Variants in CHD6 observed in about 807,000 individuals in gnomAD.
CHD6 encodes chromodomain helicase DNA binding protein 6, also known as ATP-dependent chromatin remodeler CHD6.
Under a neutral mutation model 276.9 loss-of-function variants are expected in CHD6, and 50 were observed. The observed-to-expected ratio is 0.18, with a 90% confidence interval of 0.14 to 0.23. The LOEUF is 0.23. CHD6 is among the 10% of genes least tolerant of loss of function. CHD6 has a pLI of 1.00. For missense variants in CHD6, 2,564 were observed against 3,365.8 expected, an observed-to-expected ratio of 0.76 and a Z score of 5.89; for synonymous variants, 1,173 against 1,229.3, an observed-to-expected ratio of 0.95 and a Z score of 0.96.
At chr20:41,521,732 C>A (rs1182931558) in intron 3 of CHD6, among the ~76,000 whole-genome samples, 1 of 152,156 alleles carries the variant, frequency 6.6e-6, no homozygotes, top group Non-Finnish European at 1.5e-5. Context: ...ACAGAAATGG[C>A]TGATTCCAAA....
chr20:41,472,045 CCA>C (rs140489131), intron 17 of CHD6, among the ~76,000 whole-genome samples: 10,926 of 151,868 alleles, frequency 0.072, 758 homozygotes, highest in East Asian at 0.31. Context: ...ACCGGCATGC[CCA>C]ACATAGCAAA....
At chr20:41,432,681 TC>T (rs2047582569) in intron 27 of CHD6, among the ~76,000 whole-genome samples, 1 of 151,762 alleles carries the variant, frequency 6.6e-6, no homozygotes, top group Non-Finnish European at 1.5e-5. Context: ...GTCCAAAATG[TC>T]CAGGTTCCAA....
intron 2 of CHD6, among the ~76,000 whole-genome samples, chr20:41,536,453 C>A (rs796770568): frequency 6.6e-6 from 1 of 152,148 alleles, no homozygotes; most frequent in East Asian, 1.9e-4. Context: ...TGAAAAGGAG[C>A]TAAGAACTAA....
At chr20:41,453,002 C>T (rs1433537197) in intron 20 of CHD6, 60 bp from the exon 21 acceptor site, 2 of 1,334,820 alleles carry the variant, frequency 1.5e-6, no homozygotes, top group Non-Finnish European at 2.2e-6. Context: ...TTTCACAAAG[C>T]ATAAGTGTAT....
intron 1 of CHD6, among the ~76,000 whole-genome samples, chr20:41,552,360 T>A (rs906288390): frequency 1.3e-5 from 2 of 152,218 alleles, no homozygotes; most frequent in African/African-American, 4.8e-5. Context: ...TCCAAATGAA[T>A]GTGATGTGTA....
chr20:41,614,225 T>C (rs2045914852), intron 1 of CHD6, among the ~76,000 whole-genome samples: 1 of 152,180 alleles, frequency 6.6e-6, no homozygotes, highest in Non-Finnish European at 1.5e-5. Context: ...ATCCATCACT[T>C]TCTACTTATG....
chr20:41,443,414 T>C (rs1361805994), intron 25 of CHD6, among the ~76,000 whole-genome samples: 1 of 152,218 alleles, frequency 6.6e-6, no homozygotes, highest in Non-Finnish European at 1.5e-5. Context: ...TAGATTCCTG[T>C]CCATTTTTAC....
intron 8 of CHD6, 174 bp downstream of exon 8, chr20:41,497,210 T>G (rs762234213): frequency 1.2e-5 from 7 of 586,588 alleles, no homozygotes; most frequent in Non-Finnish European, 2.1e-5. Context: ...CTTTGGTGGA[T>G]AGTTTTCTTT....
intron 5 of CHD6, among the ~76,000 whole-genome samples, chr20:41,504,984 C>A (rs2043942253): frequency 6.6e-6 from 1 of 152,130 alleles, no homozygotes; most frequent in Non-Finnish European, 1.5e-5. Context: ...TCCCTTTGAT[C>A]CAGTCAGAGA....
At chr20:41,549,652 A>G (rs2045114211) in intron 2 of CHD6, among the ~76,000 whole-genome samples, 1 of 151,856 alleles carries the variant, frequency 6.6e-6, no homozygotes, top group South Asian at 2.1e-4. Context: ...ATAATAATAA[A>G]ATTAAAAAAA....
At chr20:41,423,446 T>C in intron 30 of CHD6, 46 bp downstream of exon 30, 2 of 1,557,036 alleles carry the variant, frequency 1.3e-6, no homozygotes, top group Non-Finnish European at 1.8e-6. Flanking sequence ...AAAATCAGAA[T>C]GTTCTTTCCT....
At chr20:41,548,434 T>C (rs533855730) in intron 2 of CHD6, among the ~76,000 whole-genome samples, 1 of 152,310 alleles carries the variant, frequency 6.6e-6, no homozygotes, top group Non-Finnish European at 1.5e-5. Flanking sequence ...GTGGAATCAC[T>C]AAAGAATGTT....
chr20:41,607,030 T>C (rs1269247990), intron 1 of CHD6, among the ~76,000 whole-genome samples: 12 of 152,232 alleles, frequency 7.9e-5, no homozygotes, highest in Middle Eastern at 3.4e-3. Flanking sequence ...CACCACGATC[T>C]TTAAAGCCTT....
intron 20 of CHD6, among the ~76,000 whole-genome samples, chr20:41,453,705 G>T (rs2048308996): frequency 6.6e-6 from 1 of 152,198 alleles, no homozygotes; most frequent in South Asian, 2.1e-4. Flanking sequence ...TTCTCCCCTT[G>T]CTTGGACCCA....
intron 1 of CHD6, among the ~76,000 whole-genome samples, chr20:41,570,913 C>G (rs1202816277): frequency 6.6e-6 from 1 of 152,172 alleles, no homozygotes; most frequent in East Asian, 1.9e-4. Context: ...GATCCAGATT[C>G]AACTGCTAAC....
rs996669413 is a variant in CHD6, at chr20:41,591,407, C to T, written c.-24+26933G>A. ...ACACACACACACACACACACACACA[C>T]ATATATATATACATATATATATAAA... is the stretch of plus-strand genomic sequence containing the variant. On this transcript the variant is annotated intron_variant, in intron 1 of 36. Coordinates refer to ENST00000373233, the MANE Select transcript of CHD6 (RefSeq NM_032221.5). Among the ~76,000 whole-genome samples the T allele has an allele frequency of 5.2e-5, 7 of 134,296 alleles. No individual in the cohort carries two copies. The East Asian group carries it at 7.4e-4, about 14-fold the overall frequency. The allele number at this position is 134,296 out of a possible 152,430, so 88.1% of individuals were successfully genotyped here. A position where few individuals can be genotyped will look rare whatever the true frequency, so the allele number is the denominator to read the frequency against.
At chr20:41,569,722 T>C (rs768047325) in intron 1 of CHD6, among the ~76,000 whole-genome samples, 2 of 152,184 alleles carry the variant, frequency 1.3e-5, no homozygotes, top group African/African-American at 2.4e-5. Flanking sequence ...AATTAAAATA[T>C]AAAATTTTTA....
intron 6 of CHD6, 151 bp downstream of exon 6, chr20:41,499,144 G>A (rs1334305190): frequency 5.4e-6 from 3 of 555,196 alleles, no homozygotes; most frequent in Admixed American, 6.6e-5. Context: ...CTCTACAGGG[G>A]TAAAAATAAG....
intron 1 of CHD6, among the ~76,000 whole-genome samples, chr20:41,563,334 G>C (rs1204023302): frequency 6.6e-6 from 1 of 152,202 alleles, no homozygotes; most frequent in Non-Finnish European, 1.5e-5. Context: ...GCTATTCAAA[G>C]TAATTACTAT....
Sources: allele counts gnomAD v4.1 joint callset (sites outside exome capture counted in the v4.1 genomes callset), GRCh38; gene constraint gnomAD v4.1.1; transcripts MANE v1.5; gene names NCBI Gene and HGNC (gene_info 2026-07-23, HGNC 2026-07-21).